The following ZNF430 variants were observed in gnomAD, a reference collection of about 807,000 sequenced individuals.
ZNF430 encodes zinc finger protein 430.
Under a neutral mutation model 56.7 loss-of-function variants are expected in ZNF430, and 35 were observed. The observed-to-expected ratio is 0.62, with a 90% CI of 0.47 to 0.82. ZNF430 has a LOEUF of 0.82. Among genes scored for constraint, ZNF430 ranks in the 40% least tolerant of loss-of-function variants. The pLI, the probability that ZNF430 is intolerant of heterozygous loss-of-function variation, is 0.00. For synonymous variants in ZNF430, 212 were observed against 224.3 expected (o/e 0.94, Z 0.49); for missense variants, 574 against 661.0 (o/e 0.87, Z 1.44).
chr19:21,022,394 C>T (rs1357163758), intron 1 of ZNF430, among the ~76,000 whole-genome samples: 3 of 152,172 alleles, frequency 2.0e-5, no homozygotes, highest in Non-Finnish European at 4.4e-5. Context: ...CACATTATCA[C>T]CTATTTGTCC....
intron 1 of ZNF430, 37 bp from the exon 2 acceptor site, chr19:21,022,752 T>TAC: frequency 1.5e-6 from 2 of 1,346,268 alleles, no homozygotes; most frequent in Non-Finnish European, 2.1e-6. Flanking sequence ...TTAGAGTGTC[T>TAC]AGTGGATATC....
At chr19:21,037,872 T>A (rs1968032146) in intron 4 of ZNF430, among the ~76,000 whole-genome samples, 1 of 152,212 alleles carries the variant, frequency 6.6e-6, no homozygotes, top group South Asian at 2.1e-4. Context: ...CATTTGTGTA[T>A]CTTTTATGAT....
At chr19:21,047,804 C>A (rs1042749846) in intron 4 of ZNF430, among the ~76,000 whole-genome samples, 2 of 152,150 alleles carry the variant, frequency 1.3e-5, no homozygotes, top group African/African-American at 4.8e-5. Flanking sequence ...GTGGGGGTCT[C>A]ACCCAGTCAG....
At chr19:21,054,453 C>G (rs754006346) in intron 4 of ZNF430, among the ~76,000 whole-genome samples, 2 of 151,376 alleles carry the variant, frequency 1.3e-5, no homozygotes, top group African/African-American at 4.9e-5. Flanking sequence ...AGGACTTTGA[C>G]TATATCAGAC....
intron 4 of ZNF430, among the ~76,000 whole-genome samples, chr19:21,051,831 T>C (rs777648592): frequency 2.6e-5 from 4 of 152,210 alleles, no homozygotes; most frequent in Non-Finnish European, 5.9e-5. Context: ...CCAAATTGTT[T>C]TTATTCTGTA....
rs138256033 is a variant in ZNF430, at chr19:21,057,267, A to G, written c.959A>G (p.Glu320Gly). Residue 320 changes from glutamate (E) to glycine (G), a missense_variant, in exon 5 of 5, where the codon GAA (glutamate) becomes GGA (glycine). Glu to Gly is a moderately conservative substitution (Grantham distance 98). This residue lies in a region of ZNF430 where 346 missense variants were observed against 399.1 expected (regional missense o/e 0.87). Coordinates refer to ENST00000261560, the MANE Select transcript of ZNF430 (RefSeq NM_025189.4). ...IHTGEKPYRC[E>G]ECGRAFNRSS... is the part of the protein sequence containing the mutation. Reference sequence around the variant, plus strand: ...ACTGGAGAGAAACCCTACAGATGTGAAGAATGTGGCAGAGCTTTTAACCGG... The same window carrying G: ...ACTGGAGAGAAACCCTACAGATGTGGAGAATGTGGCAGAGCTTTTAACCGG... The G allele has an allele frequency of 2.5e-6, 4 of 1,613,272 alleles. No homozygotes were observed. In the African/African-American group the frequency reaches 5.3e-5, roughly 22 times the overall value.
chr19:21,044,989 AGT>A (rs1390686643), intron 4 of ZNF430, among the ~76,000 whole-genome samples: 1 of 151,686 alleles, frequency 6.6e-6, no homozygotes, highest in African/African-American at 2.4e-5. Context: ...TACTCTAGTT[AGT>A]GTTCTATTTT....
chr19:21,027,742 G>A (rs1445843183), intron 2 of ZNF430, among the ~76,000 whole-genome samples: 1 of 152,048 alleles, frequency 6.6e-6, no homozygotes, highest in African/African-American at 2.4e-5. Flanking sequence ...ACATCTGGTA[G>A]AGTTCAGCTA....
chr19:21,048,091 A>G lies in ZNF430; in HGVS notation c.323-8540A>G, dbSNP rs141863314. Among the ~76,000 whole-genome samples the G allele has an allele frequency of 6.9e-3, 1,035 of 149,280 alleles. 13 individuals carry two copies. Among genetic ancestry groups the G allele is most frequent in the African/African-American group, 0.025 (998 of 40,564 alleles). On this transcript the variant is annotated intron_variant, in intron 4 of 4. Transcript: ENST00000261560. The stretch of plus-strand genomic sequence containing the variant: ...TTGATTATTTTTTCATTTTTTGCAT[A>G]CTTTTTATAAATATTATGTAATCAC...
chr19:21,038,801 G>C (rs370359721), intron 4 of ZNF430, among the ~76,000 whole-genome samples: 24 of 152,208 alleles, frequency 1.6e-4, no homozygotes, highest in South Asian at 4.1e-4. Context: ...AGTTCATAAT[G>C]AAATTTAAAA....
rs1386588092 is a variant in ZNF430 at position 21,057,494 on chromosome 19, A to T, written c.1186A>T (p.Thr396Ser). 7 of 1,613,584 alleles carry T rather than the reference A, an allele frequency of 4.3e-6. No individual in the cohort carries two copies. Among genetic ancestry groups the T allele is most frequent in the Non-Finnish European group, 5.9e-6 (7 of 1,179,898 alleles). ...SYLTKHKIIH[T>S]GEKFYKCEEC... ...CCTTACTAAACATAAGATAATTCAT[A>T]CTGGAGAGAAATTCTACAAATGTGA... Residue 396 changes from threonine to serine, a missense_variant, in exon 5 of 5, where the codon ACT (threonine) becomes TCT (serine). Physicochemically the swap from Thr to Ser is moderately conservative, Grantham distance 58. This residue lies in a region of ZNF430 where 213 missense variants were observed against 221.0 expected (regional missense o/e 0.96). Transcript: ENST00000261560.
chr19:21,041,043 C>T (rs59900403), intron 4 of ZNF430, among the ~76,000 whole-genome samples: 8,996 of 152,202 alleles, frequency 0.059, 656 homozygotes, highest in African/African-American at 0.18. Flanking sequence ...CTATTTGACT[C>T]AATGCTAAAA....
chr19:21,022,709 G>A, intron 1 of ZNF430, 80 bp from the exon 2 acceptor site: 1 of 1,048,402 alleles, frequency 9.5e-7, no homozygotes, highest in Non-Finnish European at 1.5e-6. Context: ...ATTGTCTGGG[G>A]ATAAACCAAG....
chr19:21,020,935 G>A (rs1974286385), intron 1 of ZNF430, 132 bp downstream of exon 1: 1 of 1,297,872 alleles, frequency 7.7e-7, no homozygotes, highest in Non-Finnish European at 1.1e-6. Context: ...TGCCCAGCTG[G>A]GCCTCAGTCC....
intron 4 of ZNF430, chr19:21,035,526 T>C (rs1260999916): frequency 4.7e-6 from 1 of 212,328 alleles, no homozygotes; most frequent in East Asian, 1.1e-4. Flanking sequence ...TTTGACTCAT[T>C]ATTCTGCCAC....
intron 2 of ZNF430, among the ~76,000 whole-genome samples, chr19:21,023,434 G>T (rs1194871294): frequency 6.6e-6 from 1 of 152,120 alleles, no homozygotes; most frequent in Non-Finnish European, 1.5e-5. Context: ...TTTACCAAAG[G>T]CATAAAAGTG....
chr19:21,028,350 A>G (rs577049628), intron 2 of ZNF430, among the ~76,000 whole-genome samples: 2 of 152,346 alleles, frequency 1.3e-5, no homozygotes, highest in African/African-American at 2.4e-5. Context: ...ATCCATAGCC[A>G]TGACCACAAC....
chr19:21,026,063 A>G (rs1388461104), intron 2 of ZNF430: 3 of 307,212 alleles, frequency 9.8e-6, no homozygotes, highest in Non-Finnish European at 1.9e-5. Context: ...TATTTTTAGT[A>G]GAGACGGGGT....
chr19:21,025,472 C>T (rs1445893319), intron 2 of ZNF430, among the ~76,000 whole-genome samples: 1 of 152,156 alleles, frequency 6.6e-6, no homozygotes, highest in African/African-American at 2.4e-5. Context: ...CTTGTCTCAT[C>T]CTGTGACTTA....
Sources: allele counts gnomAD v4.1 joint callset (sites outside exome capture counted in the v4.1 genomes callset), GRCh38; gene constraint gnomAD v4.1.1; regional missense constraint gnomAD v4.1.1; transcripts MANE v1.5; gene names NCBI Gene and HGNC (gene_info 2026-07-23, HGNC 2026-07-21).